Variants in APPL2 observed in about 807,000 individuals in gnomAD.
APPL2 encodes the protein adaptor protein, phosphotyrosine interacting with PH domain and leucine zipper 2, also known as DCC-interacting protein 13-beta.
Under a neutral mutation model 92.7 loss-of-function variants are expected in APPL2, and 84 were observed. The observed-to-expected ratio is 0.91, with a 90% CI of 0.76 to 1.09. The LOEUF (loss-of-function observed/expected upper bound fraction) is 1.09. Ranked by LOEUF, APPL2 falls within the 50% of genes least tolerant of loss-of-function variation. The pLI, the probability that APPL2 is intolerant of heterozygous loss-of-function variation, is 0.00. For synonymous variants in APPL2, 291 were observed against 291.0 expected (o/e 1.00, Z 0.00); for missense variants, 736 against 824.5 (o/e 0.89, Z 1.31).
intron 2 of APPL2, among the ~76,000 whole-genome samples, chr12:105,227,583 A>G (rs1011658309): frequency 1.3e-5 from 2 of 152,176 alleles, no homozygotes; most frequent in Non-Finnish European, 2.9e-5. Flanking sequence ...TTCTTGATTC[A>G]TCCTTTACCA....
chr12:105,226,469 A>T (rs1890516675), intron 2 of APPL2, among the ~76,000 whole-genome samples: 1 of 152,214 alleles, frequency 6.6e-6, no homozygotes, highest in East Asian at 1.9e-4. Flanking sequence ...GGAAGGAAAG[A>T]CCCACTTAAT....
chr12:105,193,885 GC>G (rs1037374757), intron 14 of APPL2, among the ~76,000 whole-genome samples: 39 of 151,948 alleles, frequency 2.6e-4, no homozygotes, highest in African/African-American at 9.0e-4. Context: ...TCTGACCATC[GC>G]CCATTTTCTC....
At chr12:105,228,504 T>G (rs914804507) in intron 2 of APPL2, among the ~76,000 whole-genome samples, 1 of 152,230 alleles carries the variant, frequency 6.6e-6, no homozygotes, top group Non-Finnish European at 1.5e-5. Flanking sequence ...AATATTGTGA[T>G]GTGTTCAATG....
chr12:105,177,400 G>C, intron 17 of APPL2, 138 bp from the exon 18 acceptor site: 1 of 850,410 alleles, frequency 1.2e-6, no homozygotes, highest in Non-Finnish European at 1.9e-6. Context: ...CGAGATAGCT[G>C]TGTGTGACCA....
chr12:105,211,157 T>A (rs1004448663), intron 5 of APPL2, 73 bp downstream of exon 5: 8 of 1,069,442 alleles, frequency 7.5e-6, no homozygotes, highest in Non-Finnish European at 1.1e-5. Flanking sequence ...TTGAAAGAAA[T>A]GCAGTAAGAA....
intron 14 of APPL2, among the ~76,000 whole-genome samples, chr12:105,194,996 G>A (rs940920542): frequency 6.6e-5 from 10 of 151,864 alleles, no homozygotes; most frequent in Non-Finnish European, 1.2e-4. Flanking sequence ...CTCCATGCAC[G>A]TCCTGTTTGC....
intron 17 of APPL2, among the ~76,000 whole-genome samples, chr12:105,182,577 T>C (rs1886215480): frequency 6.6e-6 from 1 of 152,262 alleles, no homozygotes; most frequent in Non-Finnish European, 1.5e-5. Flanking sequence ...TGAATGACTT[T>C]CTTAATCCAG....
intron 10 of APPL2, among the ~76,000 whole-genome samples, chr12:105,198,691 G>A (rs1887878745): frequency 2.0e-5 from 3 of 152,112 alleles, no homozygotes. Flanking sequence ...AAATGGCAAC[G>A]GCTGACATCT....
chr12:105,212,866 G>T (rs1889342448), intron 4 of APPL2, among the ~76,000 whole-genome samples: 1 of 152,204 alleles, frequency 6.6e-6, no homozygotes, highest in South Asian at 2.1e-4. Context: ...TCAACCATTT[G>T]CCAGGCAAGG....
chr12:105,179,808 CT>C (rs1885932621), intron 17 of APPL2, among the ~76,000 whole-genome samples: 1 of 152,180 alleles, frequency 6.6e-6, no homozygotes. Flanking sequence ...CCTTCACCCA[CT>C]TTTTGACGGG....
intron 1 of APPL2, among the ~76,000 whole-genome samples, chr12:105,230,525 T>G (rs1238251097): frequency 6.6e-6 from 1 of 152,204 alleles, no homozygotes; most frequent in Non-Finnish European, 1.5e-5. Context: ...TGAGGTGATA[T>G]CAAAGCACTT....
At chr12:105,176,150 T>C (rs746042630) in intron 19 of APPL2, 68 bp from the exon 20 acceptor site, 1 of 1,417,042 alleles carries the variant, frequency 7.1e-7, no homozygotes, top group East Asian at 2.4e-5. Context: ...ACAAATGTGA[T>C]TTGGGAGTAC....
intron 17 of APPL2, among the ~76,000 whole-genome samples, chr12:105,187,196 G>T (rs76488727): frequency 1.3e-4 from 20 of 152,276 alleles, no homozygotes; most frequent in African/African-American, 4.8e-4. Flanking sequence ...TTATTAATAA[G>T]AACTTAATTC....
chr12:105,175,947 C>T, intron 20 of APPL2, 88 bp downstream of exon 20: 1 of 1,295,798 alleles, frequency 7.7e-7, no homozygotes, highest in Non-Finnish European at 1.1e-6. Context: ...TTCCAGTGAA[C>T]ATCACTTTTC....
chr12:105,221,466 G>A (rs1890099623), intron 2 of APPL2, among the ~76,000 whole-genome samples: 1 of 152,182 alleles, frequency 6.6e-6, no homozygotes. Context: ...ACAACTTAAT[G>A]CAGGACTCGA....
rs531922005 is a variant in APPL2, at chr12:105,203,561, G to T, written c.704+142C>A. On this transcript the variant is annotated intron_variant, in intron 9 of 20. Coordinates refer to ENST00000258530, the MANE Select transcript of APPL2 (RefSeq NM_018171.5). Reference sequence around the variant, plus strand: ...ATGAATATTGGCAGCTAAGGCAAGGGCACTGTTAGCGAGCATTTCTGGGGT... The same window carrying T: ...ATGAATATTGGCAGCTAAGGCAAGGTCACTGTTAGCGAGCATTTCTGGGGT... 253 of 697,082 alleles carry T rather than the reference G, an allele frequency of 3.6e-4. No individual in the cohort carries two copies. The African/African-American group carries it at 4.1e-3, about 11-fold the overall frequency. 43.2% of individuals were successfully genotyped at this position (697,082 alleles called of 1,614,324 possible).
intron 2 of APPL2, among the ~76,000 whole-genome samples, chr12:105,221,938 A>G (rs1468060723): frequency 6.6e-6 from 1 of 152,256 alleles, no homozygotes; most frequent in African/African-American, 2.4e-5. Flanking sequence ...CTCTGTGCGC[A>G]GCAGCATCCA....
rs1240696426 is a variant in APPL2 at position 105,195,255 on chromosome 12, AG to A, written c.1241+5del. On this transcript the variant is annotated splice_donor_5th_base_variant and intron_variant, in intron 14 of 20. Coordinates refer to ENST00000258530, the MANE Select transcript of APPL2 (RefSeq NM_018171.5). Reference sequence around the variant, plus strand: ...AAAAGCTAGTTTTTCTTTGTCCTTTAGTTACCTGGGGCATGAGCTTTCTTGT... The same window carrying A: ...AAAAGCTAGTTTTTCTTTGTCCTTTATTACCTGGGGCATGAGCTTTCTTGT... The A allele has an allele frequency of 6.2e-7, 1 of 1,613,894 alleles. No individual in the cohort carries two copies. Among genetic ancestry groups the A allele is most frequent in the Admixed American group, 1.7e-5 (1 of 60,010 alleles).
At chr12:105,176,729 G>T in intron 19 of APPL2, 147 bp downstream of exon 19, 1 of 996,834 alleles carries the variant, frequency 1.0e-6, no homozygotes. Context: ...CTTTCAGTGA[G>T]GCCTTCTTAG....
Sources: gnomAD v4.1 joint callset for allele counts (sites outside exome capture counted in the v4.1 genomes callset) on GRCh38, gnomAD v4.1.1 for gene constraint, MANE v1.5 for transcripts, NCBI Gene and HGNC (gene_info 2026-07-23, HGNC 2026-07-21) for gene names.